Variants in CIROZ observed in about 807,000 individuals in gnomAD.
CIROZ encodes ciliated left-right organizer protein containing ZP-N domains.
the CIROZ span, chr1:10,970,067 G>T: frequency 6.6e-7 from 1 of 1,524,208 alleles, no homozygotes. Context: ...ACTCAACTGT[G>T]TCTGTCCAAC....
At chr1:10,973,823 G>A in the CIROZ span, among the ~76,000 whole-genome samples, 3,121 of 152,198 alleles carry the variant, frequency 0.021, 118 homozygotes, top group African/African-American at 0.072. Flanking sequence ...GCTGTGGATC[G>A]GAGCCTCCTT....
At chr1:10,955,043 T>C in the CIROZ span, 1 of 1,613,540 alleles carries the variant, frequency 6.2e-7, no homozygotes. Context: ...AAGTCCTTGT[T>C]CTCAGTCACC....
the CIROZ span, among the ~76,000 whole-genome samples, chr1:10,959,212 C>G: frequency 6.6e-6 from 1 of 152,196 alleles, no homozygotes; most frequent in African/African-American, 2.4e-5. The surrounding 1 kb of genome is among the most constrained non-coding windows in gnomAD (Gnocchi z 4.3). Context: ...CATGTGCCCC[C>G]CAATGGCACC....
At chr1:10,949,891 G>T in the CIROZ span, 1 of 1,300,566 alleles carries the variant, frequency 7.7e-7, no homozygotes, top group Non-Finnish European at 1.0e-6. Context: ...AAGGGACCAT[G>T]AGTGACCCCT....
At chr1:10,966,239 T>G in the CIROZ span, 2 of 1,301,140 alleles carry the variant, frequency 1.5e-6, no homozygotes, top group Non-Finnish European at 2.0e-6. Context: ...CTGGTCTCCC[T>G]CAGCTCAGTT....
chr1:10,977,399 C>T, the CIROZ span, among the ~76,000 whole-genome samples: 1 of 152,120 alleles, frequency 6.6e-6, no homozygotes, highest in East Asian at 1.9e-4. Flanking sequence ...AAGAGAATTG[C>T]TTGAGCCCAG....
At chr1:10,978,255 C>G in the CIROZ span, among the ~76,000 whole-genome samples, 1 of 151,598 alleles carries the variant, frequency 6.6e-6, no homozygotes, top group East Asian at 2.0e-4. Context: ...CACCATGTTG[C>G]CCAGGCTGGT....
chr1:10,953,925 T>C, the CIROZ span: 2 of 1,473,750 alleles, frequency 1.4e-6, no homozygotes, highest in East Asian at 2.5e-5. Flanking sequence ...AGTGAAACAT[T>C]GTCACAGAAG....
At chr1:10,958,905 A>G in the CIROZ span, among the ~76,000 whole-genome samples, 1 of 152,216 alleles carries the variant, frequency 6.6e-6, no homozygotes, top group South Asian at 2.1e-4. Context: ...AAGACAAGAA[A>G]ATCATTTATG....
chr1:10,964,179 T>C, the CIROZ span: 3 of 1,614,162 alleles, frequency 1.9e-6, no homozygotes, highest in South Asian at 3.3e-5. Context: ...GCCTTGACCT[T>C]AGCATCGGAC....
chr1:10,963,169 AT>A, the CIROZ span, among the ~76,000 whole-genome samples: 1 of 151,950 alleles, frequency 6.6e-6, no homozygotes. Flanking sequence ...CAGGTGGATC[AT>A]TTGAGGTCAG....
the CIROZ span, among the ~76,000 whole-genome samples, chr1:10,974,967 T>G: frequency 1.3e-5 from 2 of 152,208 alleles, no homozygotes; most frequent in South Asian, 4.1e-4. The surrounding 1 kb of genome is among the most constrained non-coding windows in gnomAD (Gnocchi z 4.4). Context: ...CCCCCTTCAC[T>G]GACATCAAGA....
chr1:10,963,574 C>T, the CIROZ span, among the ~76,000 whole-genome samples: 4 of 152,024 alleles, frequency 2.6e-5, no homozygotes, highest in African/African-American at 9.7e-5. Flanking sequence ...CAGAGGTGCC[C>T]CGCTGATGAG....
At chr1:10,957,832 A>G in the CIROZ span, 1 of 1,485,280 alleles carries the variant, frequency 6.7e-7, no homozygotes, top group East Asian at 2.3e-5. Context: ...GGGACACTTG[A>G]AGGGTCACCT....
chr1:10,964,335 T>C, the CIROZ span: 8 of 1,521,858 alleles, frequency 5.3e-6, 1 homozygote, highest in South Asian at 9.7e-5. Flanking sequence ...TAGCCTGCAA[T>C]TATAGGTCAG....
At chr1:10,966,515 A>G in the CIROZ span, 2 of 1,502,680 alleles carry the variant, frequency 1.3e-6, no homozygotes, top group African/African-American at 2.8e-5. Context: ...ACGTGGGTTG[A>G]GCCTGTGGAG....
chr1:10,948,895 A>G, the CIROZ span: 12,557 of 1,432,938 alleles, frequency 8.8e-3, 572 homozygotes, highest in African/African-American at 0.12. Context: ...ACAAGAACAC[A>G]TGGGCTCCGG....
chr1:10,953,954 G>C, the CIROZ span: 1 of 1,538,482 alleles, frequency 6.5e-7, no homozygotes, highest in Non-Finnish European at 8.7e-7. Flanking sequence ...CCAGGGCCAA[G>C]GAAAGAGGGT....
At chr1:10,963,978 G>A in the CIROZ span, 6 of 991,670 alleles carry the variant, frequency 6.1e-6, no homozygotes, top group Admixed American at 3.0e-5. Flanking sequence ...ATGTCTAGGA[G>A]AACAATGCCA....
Sources: allele counts gnomAD v4.1 joint callset (sites outside exome capture counted in the v4.1 genomes callset), GRCh38; gene constraint gnomAD v4.1.1; non-coding constraint Gnocchi (gnomAD v3.1); transcripts MANE v1.5; gene names NCBI Gene and HGNC (gene_info 2026-07-23, HGNC 2026-07-21).